ARHGEF3: variants seen among roughly 807,000 people sequenced by gnomAD.
ARHGEF3 encodes 59.8 kDA protein.
A neutral mutation model predicts 63.2 loss-of-function variants in ARHGEF3; 28 were observed. That is an observed-to-expected ratio of 0.44 (90% CI 0.33 to 0.61). The LOEUF is 0.61. Ranked by LOEUF, ARHGEF3 falls within the 20% of genes least tolerant of loss-of-function variation. The pLI is 0.03. For missense variants in ARHGEF3, 533 were observed against 659.3 expected (o/e 0.81, Z 2.10); for synonymous variants, 266 against 254.2 (o/e 1.05, Z -0.44).
At chr3:56,934,166 C>T (rs2042487517) in intron 3 of ARHGEF3, among the ~76,000 whole-genome samples, 1 of 152,250 alleles carries the variant, frequency 6.6e-6, no homozygotes, top group South Asian at 2.1e-4. Context: ...ATAGTCCTCA[C>T]ATTCCCTTCC....
At chr3:56,913,890 A>G (rs1288277688) in intron 3 of ARHGEF3, among the ~76,000 whole-genome samples, 1 of 152,218 alleles carries the variant, frequency 6.6e-6, no homozygotes, top group Non-Finnish European at 1.5e-5. Flanking sequence ...ACACCCATCA[A>G]TCGAGGAGTG....
chr3:56,782,042 T>C (rs923319723), intron 1 of ARHGEF3, among the ~76,000 whole-genome samples: 8 of 152,166 alleles, frequency 5.3e-5, no homozygotes, highest in African/African-American at 1.9e-4. Context: ...AGTAAGACTG[T>C]GGGTACAGAA....
intron 3 of ARHGEF3, among the ~76,000 whole-genome samples, chr3:56,888,932 C>A (rs1320435290): frequency 7.0e-6 from 1 of 141,956 alleles, no homozygotes; most frequent in Non-Finnish European, 1.6e-5. Context: ...AAACAAAAAA[C>A]AAAAATGACC....
chr3:56,953,448 C>A (rs963713113), intron 3 of ARHGEF3, among the ~76,000 whole-genome samples: 5 of 152,132 alleles, frequency 3.3e-5, no homozygotes, highest in Non-Finnish European at 5.9e-5. Flanking sequence ...TAGGAGTGGG[C>A]TCCATTATTT....
chr3:56,756,727 T>C (rs2035092787), intron 2 of ARHGEF3, among the ~76,000 whole-genome samples: 2 of 152,068 alleles, frequency 1.3e-5, no homozygotes, highest in Admixed American at 1.3e-4. Context: ...TTTTTTGTAT[T>C]TTCAGTAGAG....
intron 4 of ARHGEF3, among the ~76,000 whole-genome samples, chr3:56,812,720 A>C (rs2038112926): frequency 1.3e-5 from 2 of 152,226 alleles, no homozygotes; most frequent in South Asian, 2.1e-4. Flanking sequence ...AAGATTAAAC[A>C]TGGTGCTTAT....
At chr3:56,945,011 C>A (rs72870589) in intron 3 of ARHGEF3, among the ~76,000 whole-genome samples, 112 of 152,316 alleles carry the variant, frequency 7.4e-4, no homozygotes, top group African/African-American at 2.6e-3. Flanking sequence ...AGAGGAATGA[C>A]TGCAATTTTG....
Position 56,918,964 on chromosome 3 carries a change from G to T in ARHGEF3, c.130-36610C>A, listed in dbSNP as rs138227218. Among the ~76,000 whole-genome samples the T allele has an allele frequency of 3.1e-3, 471 of 151,842 alleles. 2 individuals are homozygous for T. Among genetic ancestry groups the T allele is most frequent in the Non-Finnish European group, 3.5e-3 (237 of 67,964 alleles). ...AAGGCCCTACTTTTTTTTCTATCCCGATCCCATTTGCTGGATGCACTGGTG... is the reference window on the plus strand; with the variant it reads ...AAGGCCCTACTTTTTTTTCTATCCCTATCCCATTTGCTGGATGCACTGGTG... On this transcript the variant is annotated intron_variant, in intron 3 of 12. Coordinates refer to the ARHGEF3 transcript ENST00000338458.
chr3:56,847,007 C>A (rs2039514103), intron 4 of ARHGEF3, among the ~76,000 whole-genome samples: 1 of 152,198 alleles, frequency 6.6e-6, no homozygotes, highest in Non-Finnish European at 1.5e-5. Context: ...ACTTAGTAGG[C>A]ACTTAGTAGT....
intron 3 of ARHGEF3, among the ~76,000 whole-genome samples, chr3:56,948,095 A>C (rs1699610005): frequency 6.6e-6 from 1 of 152,222 alleles, no homozygotes; most frequent in Non-Finnish European, 1.5e-5. Context: ...ACAAAGACAC[A>C]ACATACCAGA....
chr3:56,967,122 G>A (rs7374340), intron 2 of ARHGEF3, among the ~76,000 whole-genome samples: 17,069 of 146,124 alleles, frequency 0.12, 1,247 homozygotes, highest in East Asian at 0.25. Context: ...CTCGGCCTCC[G>A]AAAGTGCTGG....
chr3:56,884,144 CT>C (rs1343692606), intron 3 of ARHGEF3, among the ~76,000 whole-genome samples: 1 of 152,164 alleles, frequency 6.6e-6, no homozygotes, highest in African/African-American at 2.4e-5. Context: ...TCTGAGCCAC[CT>C]TTTCTCAACT....
intron 2 of ARHGEF3, among the ~76,000 whole-genome samples, chr3:56,974,888 A>G (rs990777410): frequency 6.6e-6 from 1 of 152,108 alleles, no homozygotes; most frequent in Non-Finnish European, 1.5e-5. Context: ...TTCTTTCCCG[A>G]GAGTGTATTT....
chr3:56,812,838 T>C (rs541850265), intron 4 of ARHGEF3, among the ~76,000 whole-genome samples: 1 of 152,362 alleles, frequency 6.6e-6, no homozygotes, highest in East Asian at 1.9e-4. Flanking sequence ...AGGGGAGTCA[T>C]GTTCTCCCCT....
chr3:56,870,065 C>A (rs1206974859), intron 4 of ARHGEF3, among the ~76,000 whole-genome samples: 3 of 151,912 alleles, frequency 2.0e-5, no homozygotes, highest in Non-Finnish European at 4.4e-5. Context: ...ATGAAGTGTA[C>A]CTTACTACTT....
intron 4 of ARHGEF3, among the ~76,000 whole-genome samples, chr3:56,827,377 T>A (rs993900351): frequency 2.0e-5 from 3 of 152,042 alleles, no homozygotes; most frequent in Admixed American, 6.5e-5. Context: ...TAGCAGGGTG[T>A]TTATGAGTTA....
chr3:56,899,642 C>A (rs867642632), intron 3 of ARHGEF3, among the ~76,000 whole-genome samples: 1 of 152,074 alleles, frequency 6.6e-6, no homozygotes, highest in African/African-American at 2.4e-5. Context: ...AATTATGAAG[C>A]CTTTTTCAGG....
At position 56,958,749 on chromosome 3, in the gene ARHGEF3, G is replaced by A. The variant is rs117242678; in HGVS notation, c.129+74C>T. Reference sequence around the variant, plus strand: ...GATTAGTAAAACCAACCCTAACAGCGTCCGTTCTGGAGGCCAGAGCATGTA... The same window carrying A: ...GATTAGTAAAACCAACCCTAACAGCATCCGTTCTGGAGGCCAGAGCATGTA... On this transcript the variant is annotated intron_variant, in intron 3 of 12. Transcript: ENST00000338458. The A allele has an allele frequency of 4.5e-4, 657 of 1,446,114 alleles. 6 individuals carry two copies. The East Asian group carries it at 0.015, about 33-fold the overall frequency. 89.6% of individuals were successfully genotyped at this position (1,446,114 alleles called of 1,614,324 possible). A position where few individuals can be genotyped will look rare whatever the true frequency, so the allele number is the denominator to read the frequency against.
At chr3:56,826,979 CATCA>C (rs2108058256) in intron 4 of ARHGEF3, among the ~76,000 whole-genome samples, 1 of 152,056 alleles carries the variant, frequency 6.6e-6, no homozygotes, top group East Asian at 1.9e-4. Context: ...GCACCAAATA[CATCA>C]AAGATGTAAA....
Sources: gnomAD v4.1 joint callset for allele counts (sites outside exome capture counted in the v4.1 genomes callset) on GRCh38, gnomAD v4.1.1 for gene constraint, MANE v1.5 for transcripts, NCBI Gene and HGNC (gene_info 2026-07-23, HGNC 2026-07-21) for gene names.